The following CYP3A43 variants were observed in gnomAD, a reference collection of about 807,000 sequenced individuals.
CYP3A43 encodes the protein cytochrome P450 3A43.
CYP3A43 carries 45 observed loss-of-function variants against 58.0 expected under a neutral mutation model. That is an observed-to-expected ratio of 0.78 (90% CI 0.61 to 0.99). The LOEUF is 0.99. CYP3A43 is among the 50% of genes least tolerant of loss of function. CYP3A43 has a pLI of 0.00. For missense variants in CYP3A43, 593 were observed against 591.9 expected (o/e 1.00, Z -0.02); for synonymous variants, 191 against 201.4 (o/e 0.95, Z 0.44).
At chr7:99,839,051 G>T in intron 2 of CYP3A43, 69 bp from the exon 3 acceptor site, 1 of 1,579,194 alleles carries the variant, frequency 6.3e-7, no homozygotes, top group Non-Finnish European at 8.7e-7. Flanking sequence ...TGACTTTTTT[G>T]CCCTGGTTAA....
chr7:99,828,371 T>C (rs767125905), intron 1 of CYP3A43, among the ~76,000 whole-genome samples, 185 bp downstream of exon 1: 2 of 152,106 alleles, frequency 1.3e-5, no homozygotes, highest in African/African-American at 4.8e-5. Context: ...CATTTGAAAA[T>C]GTAAAATTTA....
intron 1 of CYP3A43, among the ~76,000 whole-genome samples, chr7:99,833,320 T>TG (rs1427673186): frequency 2.0e-5 from 3 of 150,588 alleles, no homozygotes; most frequent in African/African-American, 7.5e-5. Flanking sequence ...AAGCATTTCG[T>TG]GGGAGGGGGG....
rs144140103 is a variant in CYP3A43, at chr7:99,855,282, A to C, written c.671-309A>C. Among the ~76,000 whole-genome samples the C allele has an allele frequency of 3.9e-3, 593 of 152,340 alleles. 3 individuals carry two copies. Among genetic ancestry groups the C allele is most frequent in the African/African-American group, 0.014 (563 of 41,574 alleles). The stretch of plus-strand genomic sequence containing the variant: ...GCAGCAGGCTATCCAAAGAGACTCT[A>C]GTCCAGTAGATAAAGGCTAAGAAGT... On this transcript the variant is annotated intron_variant, in intron 7 of 12. Transcript: ENST00000354829.
intron 1 of CYP3A43, among the ~76,000 whole-genome samples, chr7:99,830,691 A>G (rs2151585708): frequency 6.6e-6 from 1 of 152,302 alleles, no homozygotes; most frequent in African/African-American, 2.4e-5. Flanking sequence ...ACTCCCCATC[A>G]GAAGATACTA....
chr7:99,862,634 G>T (rs1206876798), intron 11 of CYP3A43, among the ~76,000 whole-genome samples: 1 of 152,210 alleles, frequency 6.6e-6, no homozygotes, highest in East Asian at 1.9e-4. Flanking sequence ...GGAAATAGTT[G>T]ATATTTTCCC....
At chr7:99,830,960 A>G (rs1816818890) in intron 1 of CYP3A43, among the ~76,000 whole-genome samples, 1 of 152,194 alleles carries the variant, frequency 6.6e-6, no homozygotes, top group Admixed American at 6.6e-5. Context: ...TTCAACTTCC[A>G]ATTTCTGTTA....
At chr7:99,863,342 A>T (rs1009677232) in intron 11 of CYP3A43, among the ~76,000 whole-genome samples, 195 bp from the exon 12 acceptor site, 10 of 152,200 alleles carry the variant, frequency 6.6e-5, no homozygotes, top group African/African-American at 2.4e-4. Flanking sequence ...TGAGGAATCA[A>T]ATTTGAATAA....
chr7:99,848,969 C>CA (rs1286301628), intron 6 of CYP3A43, among the ~76,000 whole-genome samples: 1 of 152,150 alleles, frequency 6.6e-6, no homozygotes, highest in Non-Finnish European at 1.5e-5. Flanking sequence ...CTTACTTTTA[C>CA]AAAAATAATC....
rs1818236657 is a variant in CYP3A43, at chr7:99,861,622, A to T, written c.1036A>T (p.Thr346Ser). 6.2e-7 allele frequency: 1 copy of T among 1,613,948 alleles called. No homozygotes were observed. Among genetic ancestry groups the T allele is most frequent in the African/African-American group, 1.3e-5 (1 of 75,048 alleles). The change falls in exon 11 of 13, where the codon ACC (threonine) becomes TCC (serine). Residue 346 changes from threonine (T) to serine (S), a missense_variant. Transcript: ENST00000354829. ...GTTTCTTTCTTCCCAGGCACCTGTC[A>T]CCTACGATGCCCTGGTACAGATGGA... ...DAVLPNKAPV[T>S]YDALVQMEYL...
intron 11 of CYP3A43, among the ~76,000 whole-genome samples, chr7:99,863,116 G>A (rs1312343858): frequency 1.3e-5 from 2 of 152,084 alleles, no homozygotes; most frequent in African/African-American, 4.8e-5. Flanking sequence ...GCATCCCCCT[G>A]TGTTCATCAC....
intron 1 of CYP3A43, among the ~76,000 whole-genome samples, chr7:99,829,067 C>T (rs1464500782): frequency 1.3e-5 from 2 of 152,178 alleles, no homozygotes; most frequent in Admixed American, 1.3e-4. Context: ...TTTTAGCTTA[C>T]AATGCTATTT....
At chr7:99,851,910 T>G (rs1440418862) in intron 7 of CYP3A43, among the ~76,000 whole-genome samples, 2 of 152,228 alleles carry the variant, frequency 1.3e-5, no homozygotes, top group African/African-American at 4.8e-5. Flanking sequence ...CCCTCTTGGT[T>G]TTCTTTTAAG....
intron 8 of CYP3A43, among the ~76,000 whole-genome samples, chr7:99,855,931 T>A (rs757614380): frequency 3.3e-5 from 5 of 152,232 alleles, no homozygotes; most frequent in Non-Finnish European, 7.3e-5. Context: ...ATAATAGGCA[T>A]GACTTTAGTA....
At chr7:99,837,236 G>A (rs1188732296) in intron 2 of CYP3A43, among the ~76,000 whole-genome samples, 1 of 148,450 alleles carries the variant, frequency 6.7e-6, no homozygotes, top group Non-Finnish European at 1.5e-5. Context: ...GGAGAATGGC[G>A]TGAACCCGGG....
chr7:99,847,724 C>G, intron 5 of CYP3A43, 123 bp downstream of exon 5: 1 of 1,484,192 alleles, frequency 6.7e-7, no homozygotes, highest in Admixed American at 1.7e-5. Context: ...TAAAAAGGGT[C>G]TTTTCAGCTG....
intron 11 of CYP3A43, among the ~76,000 whole-genome samples, chr7:99,862,629 TA>T (rs2151627335): frequency 6.6e-6 from 1 of 152,344 alleles, no homozygotes; most frequent in African/African-American, 2.4e-5. Flanking sequence ...ACTCTGGAAA[TA>T]GTTGATATTT....
chr7:99,839,183 T>C lies in CYP3A43; in HGVS notation c.218+11T>C. On this transcript the variant is annotated intron_variant, in intron 3 of 12. Coordinates refer to ENST00000354829, the MANE Select transcript of CYP3A43 (RefSeq NM_057095.3). ...CGGAGAAATGTGGGGGTGAGTATTC[T>C]GGAAACTTGCATTGGATAGAGCTGT... 2 of 1,614,152 alleles carry C rather than the reference T, an allele frequency of 1.2e-6. No individual in the cohort carries two copies. Among genetic ancestry groups the C allele is most frequent in the Non-Finnish European group, 8.5e-7 (1 of 1,180,006 alleles).
intron 3 of CYP3A43, among the ~76,000 whole-genome samples, chr7:99,839,890 G>T (rs1348021063): frequency 6.6e-6 from 1 of 152,200 alleles, no homozygotes; most frequent in African/African-American, 2.4e-5. Flanking sequence ...ATGTGAAGAA[G>T]TTGGCTGCCC....
intron 3 of CYP3A43, 159 bp downstream of exon 3, chr7:99,839,331 G>C (rs1817234541): frequency 5.7e-6 from 5 of 878,048 alleles, no homozygotes; most frequent in Non-Finnish European, 9.3e-6. Context: ...GATGATCTGG[G>C]AATTGAGCAT....
Sources: gnomAD v4.1 joint callset for allele counts (sites outside exome capture counted in the v4.1 genomes callset) on GRCh38, gnomAD v4.1.1 for gene constraint, MANE v1.5 for transcripts, NCBI Gene and HGNC (gene_info 2026-07-23, HGNC 2026-07-21) for gene names.